PKD1L1: variants seen among roughly 807,000 people sequenced by gnomAD.
PKD1L1 encodes the protein polycystin 1 like 1, transient receptor potential channel interacting, also known as polycystin-1-like protein 1.
Under a neutral mutation model 323.4 loss-of-function variants are expected in PKD1L1, and 236 were observed. The ratio of observed to expected loss-of-function variants is 0.73; its 90% CI spans 0.66 to 0.81. The LOEUF is 0.81. Ranked by LOEUF, PKD1L1 falls within the 40% of genes least tolerant of loss-of-function variation. The pLI is 0.00. For missense variants in PKD1L1, 3,320 were observed against 3,508.0 expected, an observed-to-expected ratio of 0.95 and a Z score of 1.35; for synonymous variants, 1,344 against 1,335.0, an observed-to-expected ratio of 1.01 and a Z score of -0.15.
At chr7:47,852,941 C>G (rs140096280) in intron 31 of PKD1L1, among the ~76,000 whole-genome samples, 186 bp downstream of exon 31, 2 of 152,044 alleles carry the variant, frequency 1.3e-5, no homozygotes, top group African/African-American at 4.8e-5. Context: ...ACAAGGATGG[C>G]GCTCATCATG....
At chr7:47,900,936 G>A (rs1318279149) in intron 13 of PKD1L1, among the ~76,000 whole-genome samples, 1 of 152,022 alleles carries the variant, frequency 6.6e-6, no homozygotes, top group East Asian at 1.9e-4. Flanking sequence ...CATATAAAAA[G>A]CCTTAGAAAA....
intron 16 of PKD1L1, among the ~76,000 whole-genome samples, chr7:47,889,484 G>A (rs76369207): frequency 0.053 from 7,999 of 152,184 alleles, 540 homozygotes; most frequent in African/African-American, 0.16. Context: ...GGCCTGTGGG[G>A]CTCCCTGGGC....
rs112528040 is a variant in PKD1L1 at position 47,862,434 on chromosome 7, G to A, written c.4149+2782C>T. On this transcript the variant is annotated intron_variant, in intron 26 of 56. Transcript: ENST00000289672. ...ACAGGGCCATCCAGCCCCCGTTCCT[G>A]TATCCATTGCCCATCTCTCTTGAGC... Among the ~76,000 whole-genome samples, 6 of 152,258 alleles carry A rather than the reference G, an allele frequency of 3.9e-5. 1 individual carries two copies. Among genetic ancestry groups the A allele is most frequent in the African/African-American group, 1.4e-4 (6 of 41,540 alleles).
chr7:47,829,437 G>T lies in PKD1L1; in HGVS notation c.6723C>A (p.Gly2241=), dbSNP rs1401530172. ...SSSCSIPDCA[G]EVEKVLAARQ... The stretch of plus-strand genomic sequence containing the variant: ...TAATTTTTTTTACTTTTTCAACCTC[G>T]CCTGCACAGTCAGGAATACTGCAGC... The change falls in exon 44 of 57, where the codon GGC becomes GGA. Residue 2241 remains glycine, a synonymous_variant. Coordinates refer to ENST00000289672, the MANE Select transcript of PKD1L1 (RefSeq NM_138295.5). 6.2e-7 allele frequency: 1 copy of T among 1,605,740 alleles called. No individual in the cohort carries two copies. The highest frequency in any genetic ancestry group is 1.7e-5 in the Admixed American group (1 of 57,688).
intron 7 of PKD1L1, among the ~76,000 whole-genome samples, chr7:47,916,838 C>T (rs550868671): frequency 6.6e-6 from 1 of 152,154 alleles, no homozygotes; most frequent in Non-Finnish European, 1.5e-5. Context: ...AGCCTTCAGC[C>T]CTAGACCTTC....
At position 47,855,005 on chromosome 7, in the gene PKD1L1, A is replaced by G. The variant is rs1372714245; in HGVS notation, c.4736T>C (p.Leu1579Pro). The change falls in exon 30 of 57, where the codon CTT (leucine) becomes CCT (proline). Residue 1579 changes from leucine to proline, a missense_variant. Coordinates refer to ENST00000289672, the MANE Select transcript of PKD1L1 (RefSeq NM_138295.5). ...NRRNKTTFVL[L>P]RDKVNLHQFT... ...CTGATGGAGATTCACTTTATCCCGA[A>G]GTAATACAAATGTCGTTTTATTTCT... 6.2e-7 allele frequency: 1 copy of G among 1,613,528 alleles called. No individual in the cohort carries two copies. Among genetic ancestry groups the G allele is most frequent in the East Asian group, 2.2e-5 (1 of 44,896 alleles).
In PKD1L1 at chr7:47,936,774, G is replaced by A; in HGVS notation, c.398+72C>T. ...AACAAGCATCGACTTTCACATCTGA[G>A]CAATTCTTTGTAAGTTCCATGTCAT... On this transcript the variant is annotated intron_variant, in intron 4 of 56. Coordinates refer to ENST00000289672, the MANE Select transcript of PKD1L1 (RefSeq NM_138295.5). The A allele has an allele frequency of 4.2e-6, 5 of 1,201,720 alleles. No homozygotes were observed. The South Asian group carries it at 5.2e-5, about 13-fold the overall frequency. The allele number at this position is 1,201,720 out of a possible 1,614,324, so 74.4% of individuals were successfully genotyped here.
In PKD1L1 at chr7:47,929,270, C is replaced by T. The variant is rs777144385; in HGVS notation, c.994G>A (p.Val332Ile). The T allele has an allele frequency of 9.6e-5, 155 of 1,614,058 alleles. 1 individual carries two copies. The South Asian group carries it at 1.6e-3, about 17-fold the overall frequency. ...GACATGTTGTGTAGCCTCATTTCAA[C>T]CCCAGAACTGTCCCCGAAATCCATC... ...LMMDFGDSSG[V>I]EMRLHNMSEA... The change falls in exon 7 of 57, where the codon GTT (valine) becomes ATT (isoleucine). Residue 332 changes from valine (V) to isoleucine (I), a missense_variant. Physicochemically the swap from Val to Ile is conservative, Grantham distance 29. Transcript: ENST00000289672.
chr7:47,929,564 G>C, intron 6 of PKD1L1, 38 bp from the exon 7 acceptor site: 2 of 1,551,884 alleles, frequency 1.3e-6, no homozygotes, highest in Non-Finnish European at 1.8e-6. Flanking sequence ...TTTCATGACA[G>C]TGGACCACTG....
chr7:47,805,594 A>C (rs1325587167), intron 52 of PKD1L1, among the ~76,000 whole-genome samples: 1 of 152,250 alleles, frequency 6.6e-6, no homozygotes, highest in Non-Finnish European at 1.5e-5. Flanking sequence ...CTGGCCCTGA[A>C]CACACAGCAA....
intron 56 of PKD1L1, among the ~76,000 whole-genome samples, chr7:47,775,816 G>GAA (rs61097863): frequency 2.3e-5 from 3 of 132,498 alleles, no homozygotes; most frequent in African/African-American, 8.4e-5. Context: ...GTAGATAACA[G>GAA]AAAAAAAAAA....
chr7:47,815,761 C>G (rs1224888508), intron 46 of PKD1L1, among the ~76,000 whole-genome samples: 1 of 151,962 alleles, frequency 6.6e-6, no homozygotes, highest in African/African-American at 2.4e-5. Flanking sequence ...CACTGGGAAA[C>G]AGAAAATCAA....
intron 26 of PKD1L1, among the ~76,000 whole-genome samples, chr7:47,860,696 C>G (rs1786004135): frequency 6.6e-6 from 1 of 152,160 alleles, no homozygotes; most frequent in Non-Finnish European, 1.5e-5. Flanking sequence ...TTTCACAATG[C>G]CCACTTTTTT....
rs57858359 is a variant in PKD1L1 at position 47,838,876 on chromosome 7, C to CAA, written c.5769+568_5769+569dup. ...CTGGCAGTAGAGTGAGACTCCATCT[C>CAA]AAAAAAAAAAAAAAAAAAAAAGAAA... On this transcript the variant is annotated intron_variant, in intron 36 of 56. Transcript: ENST00000289672. 4.9e-3 allele frequency among the ~76,000 whole-genome samples: 419 copies of CAA among 84,774 alleles called. 3 individuals carry two copies. Among genetic ancestry groups the CAA allele is most frequent in the African/African-American group, 8.2e-3 (164 of 20,084 alleles). 55.6% of individuals were successfully genotyped at this position (84,774 alleles called of 152,430 possible).
rs149996963 is a variant in PKD1L1 at position 47,812,192 on chromosome 7, G to T, written c.7347-141C>A. ...ACACACAGTGCCTGGGCTTCAAGGG[G>T]CAGGACAGATGGCCCTCTGTATCTA... On this transcript the variant is annotated intron_variant, in intron 49 of 56. Transcript: ENST00000289672. 232 of 667,702 alleles carry T rather than the reference G, an allele frequency of 3.5e-4. No individual in the cohort carries two copies. The East Asian group carries it at 5.1e-3, about 15-fold the overall frequency. 41.4% of individuals were successfully genotyped at this position (667,702 alleles called of 1,614,324 possible). A position where few individuals can be genotyped will look rare whatever the true frequency, so the allele number is the denominator to read the frequency against.
chr7:47,833,139 G>A lies in PKD1L1; in HGVS notation c.6288C>T (p.Ser2096=), dbSNP rs770085509. 25 of 1,612,372 alleles carry A rather than the reference G, an allele frequency of 1.6e-5. No homozygotes were observed. Among genetic ancestry groups the A allele is most frequent in the Non-Finnish European group, 2.1e-5 (25 of 1,179,386 alleles). Residue 2096 remains serine, a synonymous_variant, in exon 41 of 57, where the codon AGC becomes AGT. Transcript: ENST00000289672. The part of the protein sequence containing the change: ...PKLQVHGADH[S]RTSLMGKSHC... ...GGCTTTTCCCCATCAGAGAAGTCCT[G>A]CTGTGGTCAGCCCCATGAACCTGCA...
upstream of PKD1L1, among the ~76,000 whole-genome samples, chr7:47,951,393 T>C (rs888694801): frequency 2.6e-4 from 40 of 152,232 alleles, no homozygotes; most frequent in African/African-American, 8.9e-4. Flanking sequence ...TTAAGCCACA[T>C]TCTGTATTTC....
At chr7:47,958,740 T>C in the PKD1L1 span, among the ~76,000 whole-genome samples, 1 of 152,184 alleles carries the variant, frequency 6.6e-6, no homozygotes. Flanking sequence ...CTCAACTTAA[T>C]AGTAAGAAAA....
Position 47,840,848 on chromosome 7 carries a change from G to A in PKD1L1, c.5446-281C>T, listed in dbSNP as rs945579566. On this transcript the variant is annotated intron_variant, in intron 34 of 56. Transcript: ENST00000289672. This position sits in a 1 kb window ranked among gnomAD's most constrained non-coding sequence, Gnocchi z 4.1. ...CCAGATCCCAACTAGGATTCGGGAG[G>A]GCATTTGTTTTCTCATGAGGGCGGG... Among the ~76,000 whole-genome samples the A allele has an allele frequency of 2.6e-5, 4 of 152,204 alleles. No individual in the cohort carries two copies. The highest frequency in any genetic ancestry group is 9.7e-5 in the African/African-American group (4 of 41,450).
Sources: gnomAD v4.1 joint callset for allele counts (sites outside exome capture counted in the v4.1 genomes callset) on GRCh38, gnomAD v4.1.1 for gene constraint, Gnocchi (gnomAD v3.1) non-coding constraint, MANE v1.5 for transcripts, NCBI Gene and HGNC (gene_info 2026-07-23, HGNC 2026-07-21) for gene names.